FSD1: variants seen among roughly 807,000 people sequenced by gnomAD.
FSD1 encodes fibronectin type III and SPRY domain containing 1.
A neutral mutation model predicts 58.2 loss-of-function variants in FSD1; 23 were observed. That is an observed-to-expected ratio of 0.40 (90% confidence interval 0.28 to 0.56). FSD1 has a LOEUF of 0.56. FSD1 is among the 20% of genes least tolerant of loss of function. The probability of loss-of-function intolerance (pLI) is 0.54; values close to 1 mark genes in which losing one functional copy is unlikely to be tolerated. For synonymous variants in FSD1, 265 were observed against 263.4 expected (o/e 1.01, Z -0.06); for missense variants, 563 against 670.8 (o/e 0.84, Z 1.78).
At chr19:4,307,840 G>A (rs754834565) in intron 3 of FSD1, 42 bp from the exon 4 acceptor site, 10 of 1,504,884 alleles carry the variant, frequency 6.6e-6, no homozygotes, top group East Asian at 2.3e-5. Context: ...GCCTGAGGCA[G>A]TGGGGTGAGT....
chr19:4,318,745 G>A, intron 9 of FSD1, 127 bp from the exon 10 acceptor site: 1 of 823,744 alleles, frequency 1.2e-6, no homozygotes, highest in Non-Finnish European at 2.1e-6. Context: ...TATATAGATA[G>A]AGCCAAATAC....
At chr19:4,304,838 C>A in intron 1 of FSD1, 77 bp downstream of exon 1, 2 of 483,374 alleles carry the variant, frequency 4.1e-6, no homozygotes, top group East Asian at 4.2e-5. Context: ...CCGCAGCGCC[C>A]CCACTCCCTC....
chr19:4,310,507 T>C lies in FSD1; in HGVS notation c.401T>C (p.Leu134Ser). Residue 134 changes from leucine to serine, a missense_variant, in exon 6 of 13, where the codon TTG becomes TCG. Transcript: ENST00000221856. The part of the protein sequence containing the change: ...VTMAPAFRLS[L>S]KAKVSDNMSH... ...ATGGCCCCTGCCTTCCGGCTATCATTGAAAGCGAAGGTCAGTGACAACATG... is the reference window on the plus strand; with the variant it reads ...ATGGCCCCTGCCTTCCGGCTATCATCGAAAGCGAAGGTCAGTGACAACATG... 3 of 1,613,494 alleles carry C rather than the reference T, an allele frequency of 1.9e-6. No homozygotes were observed. Among genetic ancestry groups the C allele is most frequent in the Non-Finnish European group, 2.5e-6 (3 of 1,179,558 alleles).
intron 7 of FSD1, among the ~76,000 whole-genome samples, chr19:4,313,587 G>A (rs1166741864): frequency 4.6e-5 from 7 of 151,510 alleles, no homozygotes; most frequent in African/African-American, 7.3e-5. Context: ...GTGTGGTGGC[G>A]GGCGCCTGTA....
chr19:4,305,879 CGTGT>C, intron 1 of FSD1, 63 bp from the exon 2 acceptor site: 1 of 1,179,412 alleles, frequency 8.5e-7, no homozygotes, highest in Middle Eastern at 1.9e-4. Flanking sequence ...TGTGCGTACA[CGTGT>C]GTGTACCTGT....
chr19:4,314,488 CTTTTT>C (rs1198326761), intron 7 of FSD1, among the ~76,000 whole-genome samples: 1 of 137,870 alleles, frequency 7.3e-6, no homozygotes, highest in Admixed American at 7.5e-5. Flanking sequence ...CACATTCTAC[CTTTTT>C]TTTTTTTTTT....
At chr19:4,310,168 T>G (rs775372826) in intron 4 of FSD1, 105 bp from the exon 5 acceptor site, 6 of 1,282,118 alleles carry the variant, frequency 4.7e-6, no homozygotes, top group Non-Finnish European at 4.5e-6. Flanking sequence ...GAGGTTGCAG[T>G]GAGCCGAGAT....
Position 4,311,991 on chromosome 19 carries a change from A to G in FSD1, c.640A>G (p.Lys214Glu). Reference sequence around the variant, plus strand: ...CAACTTCGAGGGCCCGCCCCGCCTCAAGGAGGACCAGCCCTGGATGGTCAT... The same window carrying G: ...CAACTTCGAGGGCCCGCCCCGCCTCGAGGAGGACCAGCCCTGGATGGTCAT... ...RTNFEGPPRLKEDQPWMVIEG... is the reference protein window; with the variant it reads ...RTNFEGPPRLEEDQPWMVIEG... The change falls in exon 7 of 13, where the codon AAG becomes GAG. Residue 214 changes from lysine (K) to glutamate (E), a missense_variant. Lys to Glu is a moderately conservative substitution (Grantham distance 56). Transcript: ENST00000221856. The G allele has an allele frequency of 6.2e-7, 1 of 1,613,466 alleles. No homozygotes were observed. Among genetic ancestry groups the G allele is most frequent in the African/African-American group, 1.3e-5 (1 of 75,038 alleles).
At chr19:4,320,731 C>G (rs963404540) in intron 10 of FSD1, among the ~76,000 whole-genome samples, 4 of 149,884 alleles carry the variant, frequency 2.7e-5, no homozygotes, top group African/African-American at 9.9e-5. Flanking sequence ...TGAGGAGTAT[C>G]TGGGGGGAAA....
intron 4 of FSD1, among the ~76,000 whole-genome samples, chr19:4,309,188 C>A (rs935858999): frequency 6.6e-6 from 1 of 151,700 alleles, no homozygotes; most frequent in African/African-American, 2.4e-5. Context: ...TTCAAGGTTA[C>A]AATGAGCCGT....
At chr19:4,313,304 G>T (rs925564316) in intron 7 of FSD1, among the ~76,000 whole-genome samples, 2 of 151,624 alleles carry the variant, frequency 1.3e-5, no homozygotes, top group Non-Finnish European at 2.9e-5. Flanking sequence ...CTGCACCACC[G>T]CACTCCAGCC....
intron 5 of FSD1, 83 bp from the exon 6 acceptor site, chr19:4,310,392 G>C (rs921556013): frequency 1.2e-6 from 2 of 1,604,368 alleles, no homozygotes; most frequent in African/African-American, 2.7e-5. Flanking sequence ...AGCCCTGGAC[G>C]GGAGCCCTGG....
At position 4,317,177 on chromosome 19, in the gene FSD1, A is replaced by G; in HGVS notation, c.701-5A>G. 1 of 1,568,460 alleles carries G rather than the reference A, an allele frequency of 6.4e-7. No individual in the cohort carries two copies. Among genetic ancestry groups the G allele is most frequent in the Non-Finnish European group, 8.8e-7 (1 of 1,138,542 alleles). On this transcript the variant is annotated splice_polypyrimidine_tract_variant and splice_region_variant and intron_variant, in intron 7 of 12. Coordinates refer to ENST00000221856, the MANE Select transcript of FSD1 (RefSeq NM_024333.3). ...CAGTGTTGAAATGCCTCTCTTGCCT[A>G]CCAGGTCTCAAGTTTGACATGAAAT...
At chr19:4,321,415 G>A (rs1599542701) in intron 10 of FSD1, among the ~76,000 whole-genome samples, 2 of 132,788 alleles carry the variant, frequency 1.5e-5, no homozygotes, top group Admixed American at 7.3e-5. Flanking sequence ...GGAATAGCTG[G>A]GACTGAGGAG....
chr19:4,319,130 T>C (rs1971787674), intron 10 of FSD1, among the ~76,000 whole-genome samples, 179 bp downstream of exon 10: 1 of 152,186 alleles, frequency 6.6e-6, no homozygotes, highest in Non-Finnish European at 1.5e-5. Flanking sequence ...AAGGGATTGC[T>C]GGGGAAAGCC....
At chr19:4,312,973 C>T (rs1971711572) in intron 7 of FSD1, among the ~76,000 whole-genome samples, 1 of 151,826 alleles carries the variant, frequency 6.6e-6, no homozygotes, top group Non-Finnish European at 1.5e-5. Context: ...GGGAACAAAG[C>T]AGACAATAAT....
chr19:4,315,348 G>A (rs1028501984), intron 7 of FSD1, among the ~76,000 whole-genome samples: 6 of 115,814 alleles, frequency 5.2e-5, no homozygotes, highest in Admixed American at 2.4e-4. Context: ...TCACTCTGTT[G>A]CCCAGGCTGG....
At chr19:4,315,554 T>G (rs1206601777) in intron 7 of FSD1, among the ~76,000 whole-genome samples, 4 of 149,784 alleles carry the variant, frequency 2.7e-5, no homozygotes, top group South Asian at 4.2e-4. Context: ...GTGATCCGCC[T>G]CCGTCGGCCT....
intron 7 of FSD1, among the ~76,000 whole-genome samples, chr19:4,312,880 A>T (rs1971710301): frequency 6.6e-6 from 1 of 151,808 alleles, no homozygotes; most frequent in Admixed American, 6.6e-5. Flanking sequence ...GGATCCTGCC[A>T]TTTCCCTAGG....
Sources: allele counts gnomAD v4.1 joint callset (sites outside exome capture counted in the v4.1 genomes callset), GRCh38; gene constraint gnomAD v4.1.1; transcripts MANE v1.5; gene names NCBI Gene and HGNC (gene_info 2026-07-23, HGNC 2026-07-21).